The following CXCL14 variants were observed in gnomAD, a reference collection of about 807,000 sequenced individuals.
The protein encoded by CXCL14 is C-X-C motif chemokine ligand 14.
Under a neutral mutation model 16.1 loss-of-function variants are expected in CXCL14, and 9 were observed. That is an observed-to-expected ratio of 0.56 (90% CI 0.34 to 0.97). The LOEUF (loss-of-function observed/expected upper bound fraction) is 0.97. Among genes scored for constraint, CXCL14 ranks in the 50% least tolerant of loss-of-function variants. The probability of loss-of-function intolerance (pLI) is 0.02; values close to 1 mark genes in which losing one functional copy is unlikely to be tolerated. For synonymous variants in CXCL14, 55 were observed against 52.8 expected (o/e 1.04, Z -0.18); for missense variants, 111 against 132.5 (o/e 0.84, Z 0.80).
At chr5:135,573,873 G>A (rs1273928066) in intron 3 of CXCL14, among the ~76,000 whole-genome samples, 1 of 152,152 alleles carries the variant, frequency 6.6e-6, no homozygotes, top group Non-Finnish European at 1.5e-5. Context: ...ACAGACATAA[G>A]ACCCCAGGAA....
At chr5:135,578,255 CTG>C (rs1363893236) in intron 2 of CXCL14, among the ~76,000 whole-genome samples, 177 bp downstream of exon 2, 1 of 152,214 alleles carries the variant, frequency 6.6e-6, no homozygotes, top group African/African-American at 2.4e-5. Context: ...CCCTTCCCGA[CTG>C]TCTTCCAGAG....
intron 2 of CXCL14, among the ~76,000 whole-genome samples, chr5:135,578,008 G>C (rs1362086880): frequency 6.6e-6 from 1 of 152,230 alleles, no homozygotes. Context: ...CAGGATTTAA[G>C]ATAGTGTTTG....
intron 2 of CXCL14, among the ~76,000 whole-genome samples, chr5:135,577,521 G>A (rs975337522): frequency 3.3e-5 from 5 of 152,212 alleles, no homozygotes; most frequent in Admixed American, 1.3e-4. Flanking sequence ...CACTGCTTTC[G>A]CAGACACTGT....
intron 2 of CXCL14, among the ~76,000 whole-genome samples, chr5:135,576,239 G>A (rs895003804): frequency 6.6e-6 from 1 of 152,174 alleles, no homozygotes; most frequent in Non-Finnish European, 1.5e-5. Context: ...CACAGGCCAG[G>A]CTTCAGAGTG....
chr5:135,578,553 C>A lies in CXCL14; in HGVS notation c.65-14G>T. The A allele has an allele frequency of 6.2e-7, 1 of 1,613,236 alleles. No homozygotes were observed. Among genetic ancestry groups the A allele is most frequent in the South Asian group, 1.1e-5 (1 of 91,062 alleles). ...TGCATTTGGACCCTGCGAGCGAGCGCGGGGCAACGGCTTAGTTGCTAGGCG... is the reference window on the plus strand; with the variant it reads ...TGCATTTGGACCCTGCGAGCGAGCGAGGGGCAACGGCTTAGTTGCTAGGCG... On this transcript the variant is annotated splice_polypyrimidine_tract_variant and intron_variant, in intron 1 of 3. Coordinates refer to ENST00000512158, the MANE Select transcript of CXCL14 (RefSeq NM_004887.5).
chr5:135,577,035 C>T (rs1320360825), intron 2 of CXCL14, among the ~76,000 whole-genome samples: 1 of 152,136 alleles, frequency 6.6e-6, no homozygotes, highest in Non-Finnish European at 1.5e-5. Flanking sequence ...AAGCCTTTCT[C>T]ACACTTGCCT....
chr5:135,571,787 A>AAATTTTTTT lies in CXCL14; in HGVS notation c.*65_*66insAAAAAAATT. The AAATTTTTTT allele has an allele frequency of 2.9e-6, 1 of 349,822 alleles. No individual in the cohort carries two copies. The highest frequency in any genetic ancestry group is 4.9e-6 in the Non-Finnish European group (1 of 203,392). The allele number at this position is 349,822 out of a possible 1,614,324, so 21.7% of individuals were successfully genotyped here. On this transcript the variant is annotated 3_prime_UTR_variant, in exon 4 of 4. Coordinates refer to ENST00000512158, the MANE Select transcript of CXCL14 (RefSeq NM_004887.5). Reference sequence around the variant, plus strand: ...TTTTTTTTTTTTTTTTTTTTTTTTAATCTGCAAAGTCCTTTGCACAAGTCT... The same window carrying AAATTTTTTT: ...TTTTTTTTTTTTTTTTTTTTTTTTAAAATTTTTTTTCTGCAAAGTCCTTTGCACAAGTCT...
chr5:135,576,931 G>T (rs1474823168), intron 2 of CXCL14, among the ~76,000 whole-genome samples: 3 of 152,170 alleles, frequency 2.0e-5, no homozygotes. Flanking sequence ...GATGGAGTGG[G>T]AGGCCCTAGG....
At position 135,578,480 on chromosome 5, in the gene CXCL14, G is replaced by T; in HGVS notation, c.124C>A (p.Leu42Met). The change falls in exon 2 of 4, where the codon CTG becomes ATG. Residue 42 changes from leucine to methionine, a missense_variant. By Grantham distance (15) the Leu-to-Met change is conservative (BLOSUM62 2). Coordinates refer to ENST00000512158, the MANE Select transcript of CXCL14 (RefSeq NM_004887.5). ...PKIRYSDVKKLEMKPKYPHCE... is the reference protein window; with the variant it reads ...PKIRYSDVKKMEMKPKYPHCE... ...TGCGGGTACTTTGGCTTCATTTCCAGCTTCTTCACGTCGCTGTAGCGGATC... is the reference window on the plus strand; with the variant it reads ...TGCGGGTACTTTGGCTTCATTTCCATCTTCTTCACGTCGCTGTAGCGGATC... The T allele has an allele frequency of 6.2e-7, 1 of 1,614,224 alleles. No homozygotes were observed. Among genetic ancestry groups the T allele is most frequent in the East Asian group, 2.2e-5 (1 of 44,886 alleles).
At chr5:135,573,356 C>A (rs1390468588) in intron 3 of CXCL14, among the ~76,000 whole-genome samples, 1 of 152,236 alleles carries the variant, frequency 6.6e-6, no homozygotes, top group African/African-American at 2.4e-5. Flanking sequence ...TCATCACTTT[C>A]TATTTCAAGC....
intron 2 of CXCL14, among the ~76,000 whole-genome samples, chr5:135,578,027 C>T (rs1751137913): frequency 6.6e-6 from 1 of 152,212 alleles, no homozygotes; most frequent in South Asian, 2.1e-4. Flanking sequence ...TGCATTAGTC[C>T]TCTATCCAGT....
At chr5:135,574,495 G>A in intron 3 of CXCL14, 77 bp downstream of exon 3, 1 of 1,148,800 alleles carries the variant, frequency 8.7e-7, no homozygotes, top group Non-Finnish European at 1.3e-6. Flanking sequence ...TAGATGACCT[G>A]GTGGGGGGGT....
chr5:135,572,605 G>A (rs537569282), intron 3 of CXCL14, among the ~76,000 whole-genome samples: 1 of 152,302 alleles, frequency 6.6e-6, no homozygotes, highest in East Asian at 1.9e-4. Flanking sequence ...GGGGCCATAC[G>A]TTACACTTAG....
In CXCL14 at chr5:135,571,527, G is replaced by T; in HGVS notation, c.*326C>A. 2.9e-6 allele frequency: 1 copy of T among 342,088 alleles called. No homozygotes were observed. The highest frequency in any genetic ancestry group is 5.3e-6 in the Non-Finnish European group (1 of 189,382). 21.2% of individuals were successfully genotyped at this position (342,088 alleles called of 1,614,324 possible). On this transcript the variant is annotated 3_prime_UTR_variant, in exon 4 of 4. Coordinates refer to ENST00000512158, the MANE Select transcript of CXCL14 (RefSeq NM_004887.5). ...AAAGCTCAGATGTATAGTGACGTAT[G>T]GACAAATACAAAAAAGCATTTTTTA...
chr5:135,573,960 G>C (rs1347918203), intron 3 of CXCL14, among the ~76,000 whole-genome samples: 1 of 152,180 alleles, frequency 6.6e-6, no homozygotes, highest in African/African-American at 2.4e-5. Context: ...GGGTGCTGGT[G>C]GTCTTAACAC....
rs1319388257 is a variant in CXCL14, at chr5:135,578,450, C to G, written c.154G>C (p.Glu52Gln). The G allele has an allele frequency of 1.2e-6, 2 of 1,614,176 alleles. No homozygotes were observed. The highest frequency in any genetic ancestry group is 1.7e-5 in the Admixed American group (1 of 60,036). ...AGAACTCACATAACCATCTTCTCCT[C>G]GCAGTGCGGGTACTTTGGCTTCATT... ...LEMKPKYPHCEEKMVIITTKS... is the reference protein window; with the variant it reads ...LEMKPKYPHCQEKMVIITTKS... Residue 52 changes from glutamate to glutamine, a missense_variant, in exon 2 of 4, where the codon GAG becomes CAG. Glu to Gln is a conservative substitution (Grantham distance 29). Coordinates refer to ENST00000512158, the MANE Select transcript of CXCL14 (RefSeq NM_004887.5).
rs1437270388 is a variant in CXCL14 at position 135,578,865 on chromosome 5, C to T, written c.-87G>A. 1 of 1,373,222 alleles carries T rather than the reference C, an allele frequency of 7.3e-7. No homozygotes were observed. The highest frequency in any genetic ancestry group is 9.5e-7 in the Non-Finnish European group (1 of 1,049,324). The allele number at this position is 1,373,222 out of a possible 1,614,324, so 85.1% of individuals were successfully genotyped here. On this transcript the variant is annotated 5_prime_UTR_variant, in exon 1 of 4. Transcript: ENST00000512158. ...GGCGGCCCGGAGACGCCACCCAGCT[C>T]TGCTCGGCTTTCTCTGCCCGGGGCG... is the stretch of plus-strand genomic sequence containing the variant.
At chr5:135,573,426 C>T (rs768142192) in intron 3 of CXCL14, among the ~76,000 whole-genome samples, 2 of 152,170 alleles carry the variant, frequency 1.3e-5, no homozygotes, top group Non-Finnish European at 2.9e-5. Flanking sequence ...GGGTTGAGCC[C>T]GAGTGTCAGC....
At chr5:135,572,279 T>A (rs374963371) in intron 3 of CXCL14, among the ~76,000 whole-genome samples, 2 of 152,234 alleles carry the variant, frequency 1.3e-5, no homozygotes, top group East Asian at 3.8e-4. Context: ...GCGTCTGTAC[T>A]CAGCCTCTCT....
Sources: gnomAD v4.1 joint callset for allele counts (sites outside exome capture counted in the v4.1 genomes callset) on GRCh38, gnomAD v4.1.1 for gene constraint, MANE v1.5 for transcripts, NCBI Gene and HGNC (gene_info 2026-07-23, HGNC 2026-07-21) for gene names.